Variants in DSCAM observed in about 807,000 individuals in gnomAD.
DSCAM encodes the protein DS cell adhesion molecule.
Under a neutral mutation model 217.7 loss-of-function variants are expected in DSCAM, and 47 were observed. The observed-to-expected ratio is 0.22, with a 90% CI of 0.17 to 0.28. The LOEUF (loss-of-function observed/expected upper bound fraction) is 0.28. Among genes scored for constraint, DSCAM ranks in the 10% least tolerant of loss-of-function variants. DSCAM has a pLI of 1.00. For synonymous variants in DSCAM, 1,056 were observed against 1,015.3 expected (o/e 1.04, Z -0.76); for missense variants, 2,080 against 2,618.3 (o/e 0.79, Z 4.49).
At chr21:40,487,920 T>A (rs527278929) in intron 3 of DSCAM, among the ~76,000 whole-genome samples, 9 of 152,282 alleles carry the variant, frequency 5.9e-5, no homozygotes, top group Admixed American at 5.2e-4. Flanking sequence ...GAGTCAAATT[T>A]ATGTACATTC....
At chr21:40,355,720 A>G (rs2074684572) in intron 4 of DSCAM, among the ~76,000 whole-genome samples, 1 of 152,200 alleles carries the variant, frequency 6.6e-6, no homozygotes, top group Admixed American at 6.5e-5. Context: ...GAAAAATGCC[A>G]TGACTCTTTT....
In DSCAM at chr21:40,495,860, A is replaced by T. The variant is rs572851038; in HGVS notation, c.509-126615T>A. ...CAGAATACAAAATCAACACATAAAA[A>T]GTAGTAGAATATTTATACTCTAACA... On this transcript the variant is annotated intron_variant, in intron 3 of 32. Transcript: ENST00000400454. Among the ~76,000 whole-genome samples, 48 of 152,308 alleles carry T rather than the reference A, an allele frequency of 3.2e-4. 1 individual carries two copies. The highest frequency in any genetic ancestry group is 1.1e-3 in the African/African-American group (47 of 41,590).
At chr21:40,690,399 C>G (rs2090526570) in intron 3 of DSCAM, among the ~76,000 whole-genome samples, 2 of 152,208 alleles carry the variant, frequency 1.3e-5, no homozygotes, top group South Asian at 4.1e-4. Context: ...TATGAAGTCT[C>G]TCTCTCCCTT....
chr21:40,435,184 G>C (rs1349955234), intron 3 of DSCAM, among the ~76,000 whole-genome samples: 1 of 152,224 alleles, frequency 6.6e-6, no homozygotes, highest in East Asian at 1.9e-4. Flanking sequence ...TGGCACACCA[G>C]TGGCCTTGCC....
At chr21:40,484,905 C>T (rs138626735) in intron 3 of DSCAM, among the ~76,000 whole-genome samples, 7 of 152,308 alleles carry the variant, frequency 4.6e-5, no homozygotes, top group African/African-American at 1.7e-4. Context: ...GTTTTGGTGA[C>T]GCCAACAGTC....
chr21:40,814,284 C>A (rs920697889), intron 1 of DSCAM, among the ~76,000 whole-genome samples: 2 of 152,168 alleles, frequency 1.3e-5, no homozygotes, highest in African/African-American at 2.4e-5. Context: ...TCCAGTTGCA[C>A]TTTTTGTAAC....
chr21:40,525,965 G>A (rs1038455387), intron 3 of DSCAM, among the ~76,000 whole-genome samples: 4 of 151,810 alleles, frequency 2.6e-5, no homozygotes, highest in Non-Finnish European at 4.4e-5. Flanking sequence ...CAAATCTCTC[G>A]GGGGCCCCAG....
chr21:40,433,182 C>A (rs2075551370), intron 3 of DSCAM, among the ~76,000 whole-genome samples: 1 of 151,856 alleles, frequency 6.6e-6, no homozygotes, highest in African/African-American at 2.4e-5. Flanking sequence ...CACGGTGAAA[C>A]CCTGTCTCTA....
chr21:40,249,947 C>T (rs2073279614), intron 11 of DSCAM, among the ~76,000 whole-genome samples: 1 of 152,126 alleles, frequency 6.6e-6, no homozygotes, highest in Admixed American at 6.5e-5. Flanking sequence ...GGAAGGAAAC[C>T]CTAAGCTGAC....
chr21:40,825,710 GA>G (rs1320944635), intron 1 of DSCAM, among the ~76,000 whole-genome samples: 1 of 152,054 alleles, frequency 6.6e-6, no homozygotes, highest in East Asian at 1.9e-4. Flanking sequence ...AGTCAACAAA[GA>G]TTTTTTTTTT....
intron 3 of DSCAM, among the ~76,000 whole-genome samples, chr21:40,580,106 G>A (rs941047114): frequency 2.0e-5 from 3 of 150,274 alleles, no homozygotes; most frequent in African/African-American, 7.4e-5. Flanking sequence ...TCCTGAGACA[G>A]AGTCTCGCTC....
chr21:40,015,194 T>TA (rs1884007399), intron 32 of DSCAM, among the ~76,000 whole-genome samples: 1 of 152,218 alleles, frequency 6.6e-6, no homozygotes, highest in Admixed American at 6.5e-5. Context: ...GGTGCTTTGC[T>TA]AGGCATTTCC....
chr21:40,306,191 T>A, intron 9 of DSCAM, among the ~76,000 whole-genome samples: 1 of 148,536 alleles, frequency 6.7e-6, no homozygotes, highest in Non-Finnish European at 1.5e-5. Flanking sequence ...GGTATTTTAT[T>A]CTCTTTGAAG....
intron 32 of DSCAM, among the ~76,000 whole-genome samples, chr21:40,026,850 T>C (rs2088397154): frequency 6.6e-6 from 1 of 151,134 alleles, no homozygotes; most frequent in Admixed American, 6.6e-5. Context: ...TCTGTGTCTT[T>C]TAATTGGAGC....
At chr21:40,569,215 T>G (rs1376623539) in intron 3 of DSCAM, among the ~76,000 whole-genome samples, 1 of 152,170 alleles carries the variant, frequency 6.6e-6, no homozygotes, top group African/African-American at 2.4e-5. Flanking sequence ...CAGTTTATTC[T>G]TTAACACATA....
chr21:40,276,628 T>C (rs1168031190), intron 10 of DSCAM, among the ~76,000 whole-genome samples: 1 of 152,148 alleles, frequency 6.6e-6, no homozygotes, highest in Non-Finnish European at 1.5e-5. Context: ...CTAAATAAAT[T>C]CCTTGTGTTC....
At chr21:40,382,962 T>C (rs1309872565) in intron 3 of DSCAM, 1 of 152,230 alleles carries the variant, frequency 6.6e-6, no homozygotes, top group Non-Finnish European at 1.5e-5. Flanking sequence ...AAAGTAAAAG[T>C]GCAAACAATT....
intron 11 of DSCAM, among the ~76,000 whole-genome samples, chr21:40,271,784 G>A (rs1364536117): frequency 3.1e-4 from 47 of 152,146 alleles, no homozygotes; most frequent in Admixed American, 3.1e-3. Context: ...TATCTTTACA[G>A]GTGCAGTCGC....
At chr21:40,029,071 C>T (rs917214465) in intron 32 of DSCAM, among the ~76,000 whole-genome samples, 4 of 152,116 alleles carry the variant, frequency 2.6e-5, no homozygotes, top group African/African-American at 9.7e-5. Context: ...TCTCTACAAA[C>T]AGAAAACAAA....
Sources: allele counts gnomAD v4.1 joint callset (sites outside exome capture counted in the v4.1 genomes callset), GRCh38; gene constraint gnomAD v4.1.1; transcripts MANE v1.5; gene names NCBI Gene and HGNC (gene_info 2026-07-23, HGNC 2026-07-21).